Variants in FMN1 observed in about 807,000 individuals in gnomAD.
FMN1 encodes formin-1.
In FMN1, 110 loss-of-function variants were observed where a neutral mutation model predicts 132.4. The ratio of observed to expected loss-of-function variants is 0.83; its 90% CI spans 0.71 to 0.97. FMN1 has a LOEUF of 0.97. FMN1 is among the 50% of genes least tolerant of loss of function. FMN1 has a pLI of 0.00. For missense variants in FMN1, 1,792 were observed against 1,705.3 expected (o/e 1.05, Z -0.90); for synonymous variants, 722 against 651.7 (o/e 1.11, Z -1.64).
intron 15 of FMN1, among the ~76,000 whole-genome samples, chr15:32,892,461 A>G (rs1462073938): frequency 6.6e-6 from 1 of 152,198 alleles, no homozygotes; most frequent in African/African-American, 2.4e-5. Flanking sequence ...GCAGTTAGCT[A>G]GTATTTTGTT....
chr15:33,078,998 T>A (rs2038340692), intron 5 of FMN1, among the ~76,000 whole-genome samples: 2 of 152,110 alleles, frequency 1.3e-5, no homozygotes, highest in South Asian at 4.1e-4. Context: ...CCAAAAACAA[T>A]CATGTGAATT....
At chr15:33,085,744 G>T (rs539006473) in intron 5 of FMN1, among the ~76,000 whole-genome samples, 1 of 152,016 alleles carries the variant, frequency 6.6e-6, no homozygotes, top group Non-Finnish European at 1.5e-5. Flanking sequence ...ATAATGGGGG[G>T]AAAGGGTATA....
intron 10 of FMN1, among the ~76,000 whole-genome samples, chr15:32,917,536 G>C (rs1027431374): frequency 6.6e-6 from 1 of 152,190 alleles, no homozygotes; most frequent in Non-Finnish European, 1.5e-5. Context: ...CTCTGTACCA[G>C]GCATTGTTCT....
chr15:33,007,770 A>G (rs532412060), intron 7 of FMN1, among the ~76,000 whole-genome samples: 3 of 152,362 alleles, frequency 2.0e-5, no homozygotes, highest in South Asian at 4.1e-4. Flanking sequence ...TTTAAAAATA[A>G]AATAATCATT....
chr15:33,123,384 TA>T (rs1174458654), intron 4 of FMN1, among the ~76,000 whole-genome samples: 3 of 152,182 alleles, frequency 2.0e-5, no homozygotes, highest in African/African-American at 7.2e-5. Context: ...CCTACTGCAC[TA>T]TATAGTATAC....
intron 4 of FMN1, among the ~76,000 whole-genome samples, chr15:33,114,659 T>G (rs984337341): frequency 2.6e-5 from 4 of 152,196 alleles, no homozygotes; most frequent in African/African-American, 9.6e-5. Context: ...CACCTTCTTT[T>G]GGAGAGAGCC....
intron 4 of FMN1, among the ~76,000 whole-genome samples, chr15:33,121,829 C>A (rs1487582290): frequency 6.6e-6 from 1 of 151,730 alleles, no homozygotes; most frequent in Non-Finnish European, 1.5e-5. Context: ...CCACACCCGG[C>A]CAAATTTTTG....
chr15:33,122,933 A>G (rs1392028804), intron 4 of FMN1, among the ~76,000 whole-genome samples: 1 of 152,174 alleles, frequency 6.6e-6, no homozygotes, highest in Non-Finnish European at 1.5e-5. Flanking sequence ...GCAGTGAGCT[A>G]AATGCTTTAT....
chr15:32,896,640 T>TAA (rs143193952), intron 15 of FMN1, among the ~76,000 whole-genome samples: 7,550 of 152,062 alleles, frequency 0.05, 287 homozygotes, highest in Non-Finnish European at 0.076. Context: ...TTTAGATACT[T>TAA]ATTTAAGTGG....
chr15:33,038,367 C>T (rs2036278913), intron 6 of FMN1, among the ~76,000 whole-genome samples: 1 of 152,246 alleles, frequency 6.6e-6, no homozygotes, highest in South Asian at 2.1e-4. Flanking sequence ...AGTTAACATT[C>T]AGAAGTTTTA....
chr15:32,895,444 C>T (rs1295424054), intron 15 of FMN1, among the ~76,000 whole-genome samples: 1 of 151,776 alleles, frequency 6.6e-6, no homozygotes, highest in Non-Finnish European at 1.5e-5. Flanking sequence ...TAGGTAGGAA[C>T]AGCTTTATGG....
intron 12 of FMN1, among the ~76,000 whole-genome samples, chr15:32,906,142 G>A (rs59800255): frequency 0.011 from 1,647 of 152,230 alleles, 28 homozygotes; most frequent in African/African-American, 0.038. Flanking sequence ...TAGCAGAAAC[G>A]CATGATCTCT....
In FMN1 at chr15:33,044,731, C is replaced by T. The variant is rs570243580; in HGVS notation, c.2161+20226G>A. On this transcript the variant is annotated intron_variant, in intron 6 of 20. Coordinates refer to ENST00000616417, the MANE Select transcript of FMN1 (RefSeq NM_001277313.2). ...ATGAGATGACCAGCTGCAGGAGCTA[C>T]ACACCCAAGGGTCTTCTCTCTGCTG... is the stretch of plus-strand genomic sequence containing the variant. Among the ~76,000 whole-genome samples, 40 of 152,314 alleles carry T rather than the reference C, an allele frequency of 2.6e-4. 1 individual carries two copies. In the South Asian group the frequency reaches 3.5e-3, roughly 13 times the overall value.
intron 16 of FMN1, among the ~76,000 whole-genome samples, chr15:32,872,037 G>A (rs1232111950): frequency 6.6e-6 from 1 of 151,136 alleles, no homozygotes; most frequent in East Asian, 1.9e-4. Context: ...CATGAAAGTA[G>A]CTCTTTTTTT....
At chr15:33,024,223 ATTTTTTTTTTTTTTTTTTTTTTTT>A (rs555760509) in intron 6 of FMN1, among the ~76,000 whole-genome samples, 2 of 88,016 alleles carry the variant, frequency 2.3e-5, no homozygotes, top group East Asian at 4.8e-4. Context: ...CACCTATCAG[ATTTTTTTTTTTTTTTTTTTTTTTT>A]TTTTTTTTTT....
intron 4 of FMN1, among the ~76,000 whole-genome samples, chr15:33,117,381 T>C (rs2039969315): frequency 6.6e-6 from 1 of 152,220 alleles, no homozygotes; most frequent in Non-Finnish European, 1.5e-5. Flanking sequence ...AGCTGCATTT[T>C]GATTACTGGC....
At position 32,968,762 on chromosome 15, in the gene FMN1, C is replaced by T. The variant is rs2031481904; in HGVS notation, c.2939G>A (p.Cys980Tyr). The T allele has an allele frequency of 6.2e-7, 1 of 1,611,796 alleles. No individual in the cohort carries two copies. The highest frequency in any genetic ancestry group is 2.2e-5 in the East Asian group (1 of 44,796). ...CPRKPAIEPS[C>Y]PMKPLYWTRI... The stretch of plus-strand genomic sequence containing the variant: ...AGTCCAATATAAAGGCTTCATGGGA[C>T]AACTGGGCTCGATGGCTGGTTTTCG... Residue 980 changes from cysteine (C) to tyrosine (Y), a missense_variant, in exon 8 of 21, where the codon TGT becomes TAT. By Grantham distance (194) the Cys-to-Tyr change is radical. This residue lies in a region of FMN1 where 1,150 missense variants were observed against 1,043.1 expected (regional missense o/e 1.10). Coordinates refer to ENST00000616417, the MANE Select transcript of FMN1 (RefSeq NM_001277313.2).
At chr15:32,910,325 T>C (rs761215338) in intron 11 of FMN1, 149 bp downstream of exon 11, 3 of 630,876 alleles carry the variant, frequency 4.8e-6, no homozygotes, top group South Asian at 1.9e-5. Context: ...GCTTCTCACA[T>C]CCACTCCCAT....
chr15:32,822,726 ACT>A (rs1477248870), intron 17 of FMN1, among the ~76,000 whole-genome samples: 1 of 151,658 alleles, frequency 6.6e-6, no homozygotes, highest in African/African-American at 2.4e-5. Context: ...AGTATTTCTT[ACT>A]CTCTTTTAAA....
Sources: gnomAD v4.1 joint callset for allele counts (sites outside exome capture counted in the v4.1 genomes callset) on GRCh38, gnomAD v4.1.1 for gene constraint, gnomAD v4.1.1 regional missense constraint, MANE v1.5 for transcripts, NCBI Gene and HGNC (gene_info 2026-07-23, HGNC 2026-07-21) for gene names.